The following TMEM132C variants were observed in gnomAD, a reference collection of about 807,000 sequenced individuals.
The protein encoded by TMEM132C is protein phosphatase 1, regulatory subunit 152.
Under a neutral mutation model 61.4 loss-of-function variants are expected in TMEM132C, and 29 were observed. The ratio of observed to expected loss-of-function variants is 0.47; its 90% CI spans 0.35 to 0.64. The LOEUF is 0.64. Ranked by LOEUF, TMEM132C falls within the 30% of genes least tolerant of loss-of-function variation. TMEM132C has a pLI of 0.00. For missense variants in TMEM132C, 1,408 were observed against 1,476.9 expected (o/e 0.95, Z 0.76); for synonymous variants, 656 against 633.1 (o/e 1.04, Z -0.54).
At chr12:128,641,199 T>A (rs1954155383) in intron 4 of TMEM132C, among the ~76,000 whole-genome samples, 2 of 152,092 alleles carry the variant, frequency 1.3e-5, no homozygotes, top group Admixed American at 1.3e-4. Flanking sequence ...TGTGCCCTTG[T>A]CCCTGCATGA....
chr12:128,270,779 CTT>C (rs1018598385), intron 1 of TMEM132C, among the ~76,000 whole-genome samples: 1 of 152,180 alleles, frequency 6.6e-6, no homozygotes, highest in African/African-American at 2.4e-5. Flanking sequence ...GTTTTAGCCT[CTT>C]AGTAGTTATT....
intron 1 of TMEM132C, among the ~76,000 whole-genome samples, chr12:128,381,156 C>T (rs920399828): frequency 2.1e-4 from 32 of 152,192 alleles, no homozygotes; most frequent in African/African-American, 7.5e-4. Flanking sequence ...GACAGTACAA[C>T]GCGGGCATAT....
intron 2 of TMEM132C, among the ~76,000 whole-genome samples, chr12:128,542,228 C>CCCAGTTT (rs1873783564): frequency 1.3e-5 from 2 of 152,166 alleles, no homozygotes; most frequent in Admixed American, 1.3e-4. Flanking sequence ...CCACTGAACT[C>CCCAGTTT]CCAGTTTCCA....
chr12:128,693,683 G>A, intron 5 of TMEM132C, 146 bp from the exon 6 acceptor site: 1 of 887,884 alleles, frequency 1.1e-6, no homozygotes, highest in East Asian at 2.7e-5. Context: ...TAAACTGAGT[G>A]CACCAAATCC....
intron 1 of TMEM132C, among the ~76,000 whole-genome samples, chr12:128,366,194 C>T (rs993315977): frequency 2.0e-5 from 3 of 152,170 alleles, no homozygotes; most frequent in Non-Finnish European, 4.4e-5. Flanking sequence ...GTGTCGCCCG[C>T]GGCTCTCCTC....
intron 1 of TMEM132C, among the ~76,000 whole-genome samples, chr12:128,319,093 GT>G (rs1194433608): frequency 6.6e-6 from 1 of 152,182 alleles, no homozygotes; most frequent in East Asian, 1.9e-4. Flanking sequence ...TAAATACAAT[GT>G]TGGCCATAAG....
At chr12:128,296,967 A>G (rs1255424992) in intron 1 of TMEM132C, among the ~76,000 whole-genome samples, 7 of 152,164 alleles carry the variant, frequency 4.6e-5, no homozygotes, top group African/African-American at 7.2e-5. Context: ...ATTTCACCAA[A>G]ACACACCCCG....
At chr12:128,651,128 G>A (rs1478361718) in intron 4 of TMEM132C, among the ~76,000 whole-genome samples, 2 of 152,146 alleles carry the variant, frequency 1.3e-5, no homozygotes, top group Non-Finnish European at 2.9e-5. Context: ...CCTTCTTGGG[G>A]TTTCTACCCA....
intron 4 of TMEM132C, among the ~76,000 whole-genome samples, chr12:128,632,809 A>G (rs892754269): frequency 1.3e-5 from 2 of 152,226 alleles, no homozygotes; most frequent in Non-Finnish European, 2.9e-5. Flanking sequence ...TTTATGGAAT[A>G]TATCTCTTTA....
At chr12:128,336,595 A>G (rs560063834) in intron 1 of TMEM132C, among the ~76,000 whole-genome samples, 1 of 152,334 alleles carries the variant, frequency 6.6e-6, no homozygotes, top group African/African-American at 2.4e-5. Context: ...CATTTATCCA[A>G]AGAGTCTACT....
At chr12:128,649,213 C>G (rs1006013907) in intron 4 of TMEM132C, among the ~76,000 whole-genome samples, 1 of 152,166 alleles carries the variant, frequency 6.6e-6, no homozygotes, top group Admixed American at 6.5e-5. Flanking sequence ...GTGTATTAAT[C>G]ACACTCATGC....
chr12:128,286,469 A>G (rs926125726), intron 1 of TMEM132C, among the ~76,000 whole-genome samples: 2 of 152,238 alleles, frequency 1.3e-5, no homozygotes, highest in Non-Finnish European at 2.9e-5. Context: ...TCTGGCCCCC[A>G]TAGACAGTAG....
At chr12:128,411,056 A>T (rs560207838) in intron 1 of TMEM132C, among the ~76,000 whole-genome samples, 6 of 152,312 alleles carry the variant, frequency 3.9e-5, no homozygotes, top group African/African-American at 1.2e-4. Context: ...ATTTAAGCAG[A>T]AATACTAGGG....
At chr12:128,586,220 G>T (rs1875542486) in intron 3 of TMEM132C, among the ~76,000 whole-genome samples, 1 of 152,012 alleles carries the variant, frequency 6.6e-6, no homozygotes, top group East Asian at 1.9e-4. Flanking sequence ...TTGAAAGTCT[G>T]CCACTGCATG....
chr12:128,455,482 G>A (rs1295200921), intron 2 of TMEM132C, among the ~76,000 whole-genome samples: 2 of 152,196 alleles, frequency 1.3e-5, no homozygotes, highest in Non-Finnish European at 2.9e-5. Context: ...TAAGCAGGAT[G>A]GGGCTGAGCA....
At chr12:128,373,249 G>A (rs572351033) in intron 1 of TMEM132C, among the ~76,000 whole-genome samples, 1 of 152,140 alleles carries the variant, frequency 6.6e-6, no homozygotes, top group East Asian at 1.9e-4. Context: ...CATACTCTTG[G>A]TCAAGAAAGG....
At chr12:128,551,589 G>A (rs188362390) in intron 3 of TMEM132C, among the ~76,000 whole-genome samples, 182 of 152,314 alleles carry the variant, frequency 1.2e-3, no homozygotes, top group Non-Finnish European at 2.1e-3. Flanking sequence ...GTCCTTCCCC[G>A]TCAGTGCCCT....
intron 2 of TMEM132C, among the ~76,000 whole-genome samples, chr12:128,531,680 C>T (rs952750285): frequency 5.9e-5 from 9 of 152,214 alleles, no homozygotes; most frequent in African/African-American, 9.7e-5. Flanking sequence ...TTTTTTATGG[C>T]CTTGGAACCA....
intron 3 of TMEM132C, among the ~76,000 whole-genome samples, chr12:128,597,160 G>A (rs1029796868): frequency 1.6e-4 from 24 of 152,172 alleles, no homozygotes; most frequent in Admixed American, 1.6e-3. Context: ...GTTGGTTAAT[G>A]CAAATAGCCA....
Sources: allele counts gnomAD v4.1 joint callset (sites outside exome capture counted in the v4.1 genomes callset), GRCh38; gene constraint gnomAD v4.1.1; transcripts MANE v1.5; gene names NCBI Gene and HGNC (gene_info 2026-07-23, HGNC 2026-07-21).